MYH14: variants seen among roughly 807,000 people sequenced by gnomAD.
The protein encoded by MYH14 is myosin heavy chain 14.
Under a neutral mutation model 255.5 loss-of-function variants are expected in MYH14, and 123 were observed. The observed-to-expected ratio is 0.48, with a 90% confidence interval of 0.42 to 0.56. The LOEUF is 0.56. Ranked by LOEUF, MYH14 falls within the 20% of genes least tolerant of loss-of-function variation. The pLI, the probability that MYH14 is intolerant of heterozygous loss-of-function variation, is 0.00. For missense variants in MYH14, 2,423 were observed against 2,802.3 expected (o/e 0.86, Z 3.06); for synonymous variants, 1,095 against 1,161.2 (o/e 0.94, Z 1.16).
chr19:50,249,580 T>TCTCTGTCCCCTGTCTCTGGGA, intron 13 of MYH14, 70 bp from the exon 14 acceptor site: 1 of 1,593,554 alleles, frequency 6.3e-7, no homozygotes. Context: ...TGTCTCTGGG[T>TCTCTGTCCCCTGTCTCTGGGA]CTCTGTCCCC....
At chr19:50,207,237 A>AAGAG (rs148755965) in intron 1 of MYH14, among the ~76,000 whole-genome samples, 8 of 95,204 alleles carry the variant, frequency 8.4e-5, no homozygotes, top group African/African-American at 1.6e-4. Context: ...TCTAAGAAAA[A>AAGAG]AGAGAGAGAG....
chr19:50,251,235 C>T (rs921465667), intron 15 of MYH14, among the ~76,000 whole-genome samples: 10 of 151,842 alleles, frequency 6.6e-5, no homozygotes, highest in Non-Finnish European at 8.8e-5. Flanking sequence ...GTAAAGGGTC[C>T]GATAGTAAAT....
At chr19:50,278,344 T>A in intron 30 of MYH14, 55 bp downstream of exon 30, 1 of 1,288,568 alleles carries the variant, frequency 7.8e-7, no homozygotes, top group Non-Finnish European at 1.1e-6. Flanking sequence ...GTGACATGCC[T>A]GCCCTCTCTG....
chr19:50,217,914 C>A (rs2032576049), intron 3 of MYH14, 143 bp downstream of exon 3: 4 of 927,980 alleles, frequency 4.3e-6, no homozygotes, highest in Non-Finnish European at 6.4e-6. Context: ...GGAGGGAGCA[C>A]AAGTAGAGGC....
rs550735864 is a variant in MYH14, at chr19:50,247,718, C to T, written c.1329+596C>T. The stretch of plus-strand genomic sequence containing the variant: ...CTAGATGGTTCGAGGCAGACGGAAC[C>T]GCAAGTGTAAAGGCCCTGGGGGTGG... On this transcript the variant is annotated intron_variant, in intron 12 of 42. Transcript: ENST00000642316. Among the ~76,000 whole-genome samples, 8 of 151,750 alleles carry T rather than the reference C, an allele frequency of 5.3e-5. No individual in the cohort carries two copies. The South Asian group carries it at 6.3e-4, about 12-fold the overall frequency.
At chr19:50,302,096 T>C (rs1601067329) in intron 40 of MYH14, among the ~76,000 whole-genome samples, 2 of 101,764 alleles carry the variant, frequency 2.0e-5, no homozygotes, top group South Asian at 3.3e-4. Flanking sequence ...CTGGGCAACA[T>C]AGCAAGACCT....
intron 2 of MYH14, among the ~76,000 whole-genome samples, chr19:50,215,450 T>G (rs1378290345): frequency 6.6e-6 from 1 of 152,170 alleles, no homozygotes; most frequent in Admixed American, 6.5e-5. Context: ...GTTAGAAGGT[T>G]GGCACCTGGG....
intron 8 of MYH14, among the ~76,000 whole-genome samples, chr19:50,227,830 C>T (rs980227920): frequency 1.3e-5 from 2 of 152,144 alleles, no homozygotes; most frequent in South Asian, 2.1e-4. Context: ...GACTTGGGTA[C>T]GTGACTTGGC....
chr19:50,292,410 G>A (rs1432030299), intron 37 of MYH14, 21 bp downstream of exon 37: 31 of 1,548,370 alleles, frequency 2.0e-5, no homozygotes, highest in Non-Finnish European at 2.5e-5. Context: ...GGTAGGCTGG[G>A]CCCTGGGACA....
At chr19:50,222,249 G>A (rs2032861737) in intron 3 of MYH14, among the ~76,000 whole-genome samples, 3 of 152,156 alleles carry the variant, frequency 2.0e-5, no homozygotes, top group South Asian at 2.1e-4. Context: ...GGGAGGCCGA[G>A]GCCGGTGGAT....
At chr19:50,232,855 C>T (rs1415583249) in intron 10 of MYH14, among the ~76,000 whole-genome samples, 1 of 151,970 alleles carries the variant, frequency 6.6e-6, no homozygotes, top group African/African-American at 2.4e-5. Context: ...GGTGGTGGAG[C>T]TGCAGAGGGG....
At position 50,223,314 on chromosome 19, in the gene MYH14, T is replaced by A; in HGVS notation, c.658T>A (p.Ser220Thr). ...CATCCAGTACCTCGCCCACGTGGCG[T>A]CGTCTCCAAAGGGCAGGAAGGAGCC... ...KVIQYLAHVA[S>T]SPKGRKEPGV... Residue 220 changes from serine to threonine, a missense_variant, in exon 5 of 43, where the codon TCG becomes ACG. By Grantham distance (58) the Ser-to-Thr change is moderately conservative. Around this residue, in one of 3 missense-constraint regions of MYH14, gnomAD observed 672 missense variants for 881.8 expected, o/e 0.76. Coordinates refer to ENST00000642316, the MANE Select transcript of MYH14 (RefSeq NM_001145809.2). 1.9e-6 allele frequency: 3 copies of A among 1,590,258 alleles called. No homozygotes were observed. The highest frequency in any genetic ancestry group is 2.6e-6 in the Non-Finnish European group (3 of 1,168,352).
rs750575111 is a variant in MYH14 at position 50,289,627 on chromosome 19, G to A, written c.4944G>A (p.Arg1648=). The part of the protein sequence containing the change: ...LQGRDEAGEE[R]RRQLAKQLRD... ...GCCGTGATGAGGCTGGTGAAGAGAGGCGGAGGCAGCTGGCCAAGCAGGTAT... is the reference window on the plus strand; with the variant it reads ...GCCGTGATGAGGCTGGTGAAGAGAGACGGAGGCAGCTGGCCAAGCAGGTAT... The change falls in exon 35 of 43, where the codon AGG becomes AGA. Residue 1648 remains arginine (R), a synonymous_variant. Coordinates refer to ENST00000642316, the MANE Select transcript of MYH14 (RefSeq NM_001145809.2). 4 of 1,610,042 alleles carry A rather than the reference G, an allele frequency of 2.5e-6. No homozygotes were observed. In the African/African-American group the frequency reaches 5.3e-5, roughly 22 times the overall value.
In MYH14 at chr19:50,276,600, C is replaced by G. The variant is rs1437411274; in HGVS notation, c.3681-157C>G. Among the ~76,000 whole-genome samples, 1 of 152,144 alleles carries G rather than the reference C, an allele frequency of 6.6e-6. No individual in the cohort carries two copies. The highest frequency in any genetic ancestry group is 1.5e-5 in the Non-Finnish European group (1 of 68,024). ...ATAGGAGTTCACCCTTAAAGCCACA[C>G]TCCTTCCACAGCATCACCACCCAGA... On this transcript the variant is annotated intron_variant, in intron 28 of 42. Coordinates refer to ENST00000642316, the MANE Select transcript of MYH14 (RefSeq NM_001145809.2). This position sits in a 1 kb window ranked among gnomAD's most constrained non-coding sequence, Gnocchi z 4.3.
rs1176204014 is a variant in MYH14 at position 50,220,649 on chromosome 19, T to C, written c.563-2434T>C. Among the ~76,000 whole-genome samples, 3 of 151,530 alleles carry C rather than the reference T, an allele frequency of 2.0e-5. No homozygotes were observed. In the East Asian group the frequency reaches 5.8e-4, roughly 29 times the overall value. ...TAGCTCGCTGCAACCTCCTCCCGGG[T>C]TCAAGCCATTGTCCTGCCTCAGCCT... On this transcript the variant is annotated intron_variant, in intron 3 of 42. Transcript: ENST00000642316.
At position 50,250,290 on chromosome 19, in the gene MYH14, C is replaced by T. The variant is rs547113585; in HGVS notation, c.1657-225C>T. Among the ~76,000 whole-genome samples, 18 of 152,082 alleles carry T rather than the reference C, an allele frequency of 1.2e-4. No homozygotes were observed. In the South Asian group the frequency reaches 2.1e-3, roughly 18 times the overall value. ...TAATTTTTTGTATTTTTAGTAGAGT[C>T]GGGGGTTTCACTGTGTTAGCCAGGA... On this transcript the variant is annotated intron_variant, in intron 14 of 42. Transcript: ENST00000642316. The surrounding 1 kb of genome is among the most constrained non-coding windows in gnomAD (Gnocchi z 5.4).
chr19:50,206,814 T>C (rs1172541260), intron 1 of MYH14, among the ~76,000 whole-genome samples: 1 of 151,786 alleles, frequency 6.6e-6, no homozygotes, highest in Non-Finnish European at 1.5e-5. Context: ...CAGTTGCATA[T>C]AGGTCTATCG....
Position 50,210,463 on chromosome 19 carries a change from G to A in MYH14, c.98G>A (p.Gly33Glu). Reference sequence around the variant, plus strand: ...CAGCCGTTCCTGTTCACGCCCCGCGGGCCCAGCGCGGGTGGCGGGCCTGGC... The same window carrying A: ...CAGCCGTTCCTGTTCACGCCCCGCGAGCCCAGCGCGGGTGGCGGGCCTGGC... The part of the protein sequence containing the change: ...AAQPFLFTPR[G>E]PSAGGGPGSG... Residue 33 changes from glycine to glutamate, a missense_variant, in exon 2 of 43, where the codon GGG (glycine) becomes GAG (glutamate). Physicochemically the swap from Gly to Glu is moderately conservative, Grantham distance 98 (BLOSUM62 -2). Coordinates refer to ENST00000642316, the MANE Select transcript of MYH14 (RefSeq NM_001145809.2). The A allele has an allele frequency of 6.5e-7, 1 of 1,547,190 alleles. No homozygotes were observed. The highest frequency in any genetic ancestry group is 8.7e-7 in the Non-Finnish European group (1 of 1,146,842).
intron 8 of MYH14, 143 bp downstream of exon 8, chr19:50,227,109 GAGGGGAGGGT>G: frequency 4.3e-5 from 27 of 628,588 alleles, no homozygotes; most frequent in Middle Eastern, 2.6e-4. Flanking sequence ...TCTGCATGGG[GAGGGGAGGGT>G]GGGACTTCTG....
Sources: allele counts gnomAD v4.1 joint callset (sites outside exome capture counted in the v4.1 genomes callset), GRCh38; gene constraint gnomAD v4.1.1; regional missense constraint gnomAD v4.1.1; non-coding constraint Gnocchi (gnomAD v3.1); transcripts MANE v1.5; gene names NCBI Gene and HGNC (gene_info 2026-07-23, HGNC 2026-07-21).